The following RGPD4 variants were observed in gnomAD, a reference collection of about 807,000 sequenced individuals.
RGPD4 encodes ranBP2-like and GRIP domain-containing protein 4.
RGPD4 carries 84 observed loss-of-function variants against 141.1 expected under a neutral mutation model. That is an observed-to-expected ratio of 0.60 (90% CI 0.50 to 0.71). The LOEUF (loss-of-function observed/expected upper bound fraction) is 0.71, where lower values mean the gene tolerates loss of function less well. Among genes scored for constraint, RGPD4 ranks in the 30% least tolerant of loss-of-function variants. The probability of loss-of-function intolerance (pLI) is 0.00; values close to 1 mark genes in which losing one functional copy is unlikely to be tolerated. For synonymous variants in RGPD4, 298 were observed against 566.8 expected, an observed-to-expected ratio of 0.53 and a Z score of 6.74; for missense variants, 918 against 1,622.4, an observed-to-expected ratio of 0.57 and a Z score of 7.46.
At position 107,881,277 on chromosome 2, in the gene RGPD4, C is replaced by G. The variant is rs539200803; in HGVS notation, c.5064+1170C>G. Among the ~76,000 whole-genome samples, 131 of 150,274 alleles carry G rather than the reference C, an allele frequency of 8.7e-4. 1 individual carries two copies. Among genetic ancestry groups the G allele is most frequent in the Non-Finnish European group, 1.3e-3 (86 of 67,624 alleles). On this transcript the variant is annotated intron_variant, in intron 21 of 22. Coordinates refer to ENST00000408999, the MANE Select transcript of RGPD4 (RefSeq NM_182588.3). ...AAAAACATTATCATAGCTAACAAAT[C>G]ACTAACTAGCCCAGTAAACCTAAAT...
At chr2:107,844,436 G>A (rs1297237902) in intron 6 of RGPD4, among the ~76,000 whole-genome samples, 9 of 152,240 alleles carry the variant, frequency 5.9e-5, no homozygotes, top group Admixed American at 4.6e-4. Flanking sequence ...TTGGAGTTGA[G>A]TGGTTGCAGC....
At chr2:107,859,580 T>C in intron 11 of RGPD4, 26 bp downstream of exon 11, 1 of 1,611,598 alleles carries the variant, frequency 6.2e-7, no homozygotes, top group Non-Finnish European at 8.5e-7. Context: ...AAAATATTGC[T>C]TTCACTTAGT....
In RGPD4 at chr2:107,879,878, T is replaced by G; in HGVS notation, c.4925-90T>G. 4 of 1,489,206 alleles carry G rather than the reference T, an allele frequency of 2.7e-6. No homozygotes were observed. The Admixed American group carries it at 5.8e-5, about 22-fold the overall frequency. The allele number at this position is 1,489,206 out of a possible 1,614,324, so 92.2% of individuals were successfully genotyped here. Reference sequence around the variant, plus strand: ...AGCAGACCTATAAAATATCACATAGTAAGATATTTATATTTAGATTTTTCT... The same window carrying G: ...AGCAGACCTATAAAATATCACATAGGAAGATATTTATATTTAGATTTTTCT... On this transcript the variant is annotated intron_variant, in intron 20 of 22. Transcript: ENST00000408999.
At chr2:107,878,350 C>T (rs1573530261) in intron 20 of RGPD4, among the ~76,000 whole-genome samples, 1 of 150,498 alleles carries the variant, frequency 6.6e-6, no homozygotes, top group Admixed American at 6.6e-5. Flanking sequence ...ACACAGACCT[C>T]CCACTTCTAG....
intron 1 of RGPD4, among the ~76,000 whole-genome samples, chr2:107,827,593 A>C (rs1268229289): frequency 3.6e-5 from 2 of 56,122 alleles, no homozygotes; most frequent in African/African-American, 1.8e-4. Flanking sequence ...GGCGGCCTCG[A>C]CCTGGCCCGG....
At chr2:107,888,998 A>T (rs1367740812) in intron 22 of RGPD4, among the ~76,000 whole-genome samples, 1 of 138,474 alleles carries the variant, frequency 7.2e-6, no homozygotes, top group Non-Finnish European at 1.5e-5. Context: ...TACGCAGCAG[A>T]TTGTAAATAA....
chr2:107,829,848 CG>C lies in RGPD4; in HGVS notation c.72+2766del, dbSNP rs1209913485. ...CCTGGTTCTCGGGGGCTTAGGCACC[CG>C]GGTGCTGTATCGGCGGGTTTCTTCC... On this transcript the variant is annotated intron_variant, in intron 1 of 22. Transcript: ENST00000408999. 1.1e-4 allele frequency among the ~76,000 whole-genome samples: 16 copies of C among 152,158 alleles called. No individual in the cohort carries two copies. In the East Asian group the frequency reaches 2.9e-3, roughly 28 times the overall value.
In RGPD4 at chr2:107,857,763, G is replaced by A. The variant is rs1475747115; in HGVS notation, c.1276+794G>A. ...TCCCAGCACTTTGGGAGGCCGAGGCGGGCAGATCACCTGAGATCAGGAGTT... is the reference window on the plus strand; with the variant it reads ...TCCCAGCACTTTGGGAGGCCGAGGCAGGCAGATCACCTGAGATCAGGAGTT... On this transcript the variant is annotated intron_variant, in intron 9 of 22. Coordinates refer to ENST00000408999, the MANE Select transcript of RGPD4 (RefSeq NM_182588.3). 2.1e-4 allele frequency among the ~76,000 whole-genome samples: 32 copies of A among 151,574 alleles called. 1 individual carries two copies. The highest frequency in any genetic ancestry group is 6.6e-4 in the Admixed American group (10 of 15,252).
chr2:107,854,179 T>C (rs832010), intron 7 of RGPD4, among the ~76,000 whole-genome samples: 90,004 of 118,420 alleles, frequency 0.76, 35,407 homozygotes, highest in African/African-American at 0.9. Flanking sequence ...CTCAGCCTCC[T>C]GTGTAGCTGG....
At chr2:107,846,795 T>C (rs1283560867) in intron 6 of RGPD4, among the ~76,000 whole-genome samples, 23 of 150,942 alleles carry the variant, frequency 1.5e-4, no homozygotes, top group African/African-American at 4.2e-4. Flanking sequence ...TGAAAAATAA[T>C]TATTTTCCAA....
chr2:107,879,997 A>G lies in RGPD4; in HGVS notation c.4954A>G (p.Lys1652Glu). Residue 1652 changes from lysine to glutamate, a missense_variant, in exon 21 of 23, where the codon AAA becomes GAA. By Grantham distance (56) the Lys-to-Glu change is moderately conservative (BLOSUM62 1). Transcript: ENST00000408999. Reference protein sequence around the residue: ...EPPLWHAEFTKEELVQKLSST... With the variant: ...EPPLWHAEFTEEELVQKLSST... ...TCCATTATGGCATGCTGAATTTACC[A>G]AAGAAGAATTGGTTCAGAAGCTCAG... The G allele has an allele frequency of 6.2e-7, 1 of 1,611,414 alleles. No homozygotes were observed. The highest frequency in any genetic ancestry group is 8.5e-7 in the Non-Finnish European group (1 of 1,179,820).
chr2:107,827,121 T>A (rs1466680090), intron 1 of RGPD4, 36 bp downstream of exon 1: 1 of 1,564,534 alleles, frequency 6.4e-7, no homozygotes, highest in South Asian at 1.2e-5. Flanking sequence ...GGCCTCGACC[T>A]GGCCGGGCGG....
intron 20 of RGPD4, among the ~76,000 whole-genome samples, chr2:107,873,965 G>A (rs1374851677): frequency 4.0e-5 from 6 of 148,700 alleles, no homozygotes; most frequent in African/African-American, 7.6e-5. Context: ...AATAACTGTG[G>A]CTGTATGAAA....
intron 1 of RGPD4, among the ~76,000 whole-genome samples, chr2:107,828,253 C>G (rs1395299234): frequency 5.2e-5 from 2 of 38,638 alleles, no homozygotes; most frequent in Non-Finnish European, 1.1e-4. Context: ...GCGGCGGCCT[C>G]GATGGCTCAG....
At chr2:107,876,544 T>C in intron 20 of RGPD4, among the ~76,000 whole-genome samples, 1 of 151,160 alleles carries the variant, frequency 6.6e-6, no homozygotes, top group Non-Finnish European at 1.5e-5. Context: ...ATAACCAATA[T>C]AGCTTCTTTG....
chr2:107,845,725 G>A (rs554003855), intron 6 of RGPD4, among the ~76,000 whole-genome samples: 5 of 151,692 alleles, frequency 3.3e-5, no homozygotes, highest in South Asian at 2.1e-4. Flanking sequence ...CACCACGCTC[G>A]GCTAATTTTT....
At chr2:107,832,657 G>C (rs1366389426) in intron 1 of RGPD4, among the ~76,000 whole-genome samples, 9 of 143,638 alleles carry the variant, frequency 6.3e-5, no homozygotes, top group African/African-American at 2.4e-4. Context: ...GGTCAGGCTG[G>C]TCTGGAAACT....
chr2:107,873,998 TGCATGTTAA>T, intron 20 of RGPD4, among the ~76,000 whole-genome samples: 1 of 148,702 alleles, frequency 6.7e-6, no homozygotes, highest in Non-Finnish European at 1.5e-5. Context: ...CACTACAACA[TGCATGTTAA>T]AGAATGCCAG....
chr2:107,870,836 T>C lies in RGPD4; in HGVS notation c.2832T>C (p.Asp944=), dbSNP rs781250584. The change falls in exon 20 of 23, where the codon GAT becomes GAC. Residue 944 remains aspartate, a synonymous_variant. Transcript: ENST00000408999. The stretch of plus-strand genomic sequence containing the variant: ...AAAGTGAAAAGCCTCTTGAAAATGA[T>C]ACTGGCTTCCAGGCTCAGGATATTA... ...EKESEKPLEN[D]TGFQAQDISG... The C allele has an allele frequency of 1.2e-6, 2 of 1,610,290 alleles. No individual in the cohort carries two copies. The highest frequency in any genetic ancestry group is 2.2e-5 in the East Asian group (1 of 44,882).
Sources: gnomAD v4.1 joint callset for allele counts (sites outside exome capture counted in the v4.1 genomes callset) on GRCh38, gnomAD v4.1.1 for gene constraint, MANE v1.5 for transcripts, NCBI Gene and HGNC (gene_info 2026-07-23, HGNC 2026-07-21) for gene names.